Variants in FOXP1 observed in about 807,000 individuals in gnomAD.
The protein encoded by FOXP1 is forkhead box P1.
FOXP1 carries 15 observed loss-of-function variants against 98.2 expected under a neutral mutation model. The observed-to-expected ratio is 0.15, with a 90% CI of 0.10 to 0.24. The LOEUF is 0.24. Ranked by LOEUF, FOXP1 falls within the 10% of genes least tolerant of loss-of-function variation. The probability of loss-of-function intolerance (pLI) is 1.00; values close to 1 mark genes in which losing one functional copy is unlikely to be tolerated. For synonymous variants in FOXP1, 371 were observed against 314.5 expected (o/e 1.18, Z -1.90); for missense variants, 633 against 848.5 (o/e 0.75, Z 3.15).
chr3:70,967,609 T>G (rs2035082695), intron 19 of FOXP1, among the ~76,000 whole-genome samples: 2 of 151,600 alleles, frequency 1.3e-5, no homozygotes, highest in Admixed American at 1.3e-4. Flanking sequence ...AGCTCTTTTA[T>G]AATTGCGATA....
intron 5 of FOXP1, among the ~76,000 whole-genome samples, chr3:71,209,956 A>AT (rs1385958398): frequency 6.6e-6 from 1 of 152,228 alleles, no homozygotes; most frequent in Non-Finnish European, 1.5e-5. Context: ...CAGTTAGCTA[A>AT]TTTTTTTAAA....
chr3:71,581,849 G>A (rs1378365569), intron 1 of FOXP1, 152 bp from the exon 2 acceptor site: 2 of 986,154 alleles, frequency 2.0e-6, no homozygotes, highest in Non-Finnish European at 2.4e-6. Context: ...GTGGAGGGAA[G>A]AGAGGATGCG....
chr3:71,420,918 T>C (rs1359099710), intron 3 of FOXP1, among the ~76,000 whole-genome samples: 1 of 152,166 alleles, frequency 6.6e-6, no homozygotes, highest in South Asian at 2.1e-4. Flanking sequence ...CAGGCTACCA[T>C]GTGAGTTCTA....
Position 71,482,568 on chromosome 3 carries a change from T to A in FOXP1, c.-168+10858A>T, listed in dbSNP as rs527295703. 3.3e-5 allele frequency among the ~76,000 whole-genome samples: 5 copies of A among 151,682 alleles called. No homozygotes were observed. In the East Asian group the frequency reaches 9.8e-4, roughly 30 times the overall value. ...GCTGTGCGCCACCATGCCCAGCTGA[T>A]TTTTTATTTTTAGTAGAGACGGGGT... On this transcript the variant is annotated intron_variant, in intron 3 of 20. Transcript: ENST00000649528.
intron 2 of FOXP1, among the ~76,000 whole-genome samples, chr3:71,510,655 C>T (rs2042139200): frequency 6.6e-6 from 1 of 152,188 alleles, no homozygotes; most frequent in Admixed American, 6.5e-5. Context: ...GCCACCAGAC[C>T]TGCAGAGGGG....
chr3:71,481,629 C>G (rs942054936), intron 3 of FOXP1, among the ~76,000 whole-genome samples: 5 of 152,148 alleles, frequency 3.3e-5, no homozygotes, highest in Non-Finnish European at 5.9e-5. Flanking sequence ...TCCCCAACCC[C>G]AAAAACAATA....
intron 7 of FOXP1, among the ~76,000 whole-genome samples, chr3:71,088,585 C>T (rs1336719307): frequency 6.6e-6 from 1 of 152,084 alleles, no homozygotes; most frequent in Admixed American, 6.5e-5. Context: ...CGTAAAGGAT[C>T]TCATTATTTT....
At chr3:71,544,548 C>G (rs576288336) in intron 2 of FOXP1, among the ~76,000 whole-genome samples, 40 of 152,256 alleles carry the variant, frequency 2.6e-4, no homozygotes, top group African/African-American at 9.4e-4. Context: ...CATACGTTTC[C>G]AAAATCCAAA....
chr3:71,104,930 G>C (rs565051420), intron 7 of FOXP1, among the ~76,000 whole-genome samples: 1 of 152,206 alleles, frequency 6.6e-6, no homozygotes, highest in Admixed American at 6.5e-5. Flanking sequence ...CTCTACTTTG[G>C]CTCAGAGGCA....
At chr3:71,355,260 A>G (rs911018963) in intron 4 of FOXP1, among the ~76,000 whole-genome samples, 1 of 152,250 alleles carries the variant, frequency 6.6e-6, no homozygotes, top group African/African-American at 2.4e-5. Flanking sequence ...GACTGCATGC[A>G]TACCTACCAT....
At chr3:71,274,061 A>G (rs6792787) in intron 5 of FOXP1, among the ~76,000 whole-genome samples, 1,567 of 152,288 alleles carry the variant, frequency 0.01, 32 homozygotes, top group African/African-American at 0.035. Context: ...TTTCCCAAGT[A>G]GAAATGAAGG....
At chr3:71,188,994 A>G (rs901957721) in intron 6 of FOXP1, among the ~76,000 whole-genome samples, 4 of 152,190 alleles carry the variant, frequency 2.6e-5, no homozygotes, top group Admixed American at 2.0e-4. Flanking sequence ...CAAAATGTCC[A>G]CATGGAAGGA....
rs1005645976 is a variant in FOXP1, at chr3:71,260,763, C to T, written c.-12+39057G>A. Among the ~76,000 whole-genome samples, 46 of 151,936 alleles carry T rather than the reference C, an allele frequency of 3.0e-4. 1 individual carries two copies. Among genetic ancestry groups the T allele is most frequent in the African/African-American group, 1.2e-4 (5 of 41,422 alleles). ...TCACTATGCTGGGCCAGGCTGGTCT[C>T]GAACTCCTGACCTTGTGATCCGCCC... On this transcript the variant is annotated intron_variant, in intron 5 of 20. Transcript: ENST00000649528.
At chr3:71,223,693 CAAAAAAAAAA>C (rs34686001) in intron 5 of FOXP1, among the ~76,000 whole-genome samples, 1 of 90,122 alleles carries the variant, frequency 1.1e-5, no homozygotes, top group Non-Finnish European at 2.6e-5. Context: ...GACTACGTCT[CAAAAAAAAAA>C]AAAAAAAAAG....
intron 5 of FOXP1, among the ~76,000 whole-genome samples, chr3:71,297,335 T>C (rs945738512): frequency 5.9e-5 from 9 of 152,154 alleles, no homozygotes; most frequent in Non-Finnish European, 1.2e-4. Context: ...TTTCCAATTT[T>C]TCCCTTGACC....
chr3:71,531,401 T>C (rs1397700969), intron 2 of FOXP1, among the ~76,000 whole-genome samples: 2 of 152,210 alleles, frequency 1.3e-5, no homozygotes, highest in Non-Finnish European at 2.9e-5. Context: ...ACTGCTATTC[T>C]ACGGGAAGAA....
intron 5 of FOXP1, among the ~76,000 whole-genome samples, chr3:71,284,678 C>T (rs988494969): frequency 4.0e-5 from 6 of 151,666 alleles, no homozygotes; most frequent in African/African-American, 1.5e-4. Flanking sequence ...TTATTGTATC[C>T]GAAAGGATGA....
chr3:71,397,360 C>G (rs1448065224), intron 3 of FOXP1, among the ~76,000 whole-genome samples: 8 of 151,990 alleles, frequency 5.3e-5, no homozygotes, highest in Admixed American at 5.2e-4. Context: ...TGTGGATGAG[C>G]ATTTATAATC....
At chr3:71,197,315 CA>C (rs1229102920) in intron 6 of FOXP1, among the ~76,000 whole-genome samples, 2 of 152,100 alleles carry the variant, frequency 1.3e-5, no homozygotes, top group African/African-American at 4.8e-5. Flanking sequence ...TTATTATTAA[CA>C]AAGCCTAATA....
Sources: allele counts gnomAD v4.1 joint callset (sites outside exome capture counted in the v4.1 genomes callset), GRCh38; gene constraint gnomAD v4.1.1; transcripts MANE v1.5; gene names NCBI Gene and HGNC (gene_info 2026-07-23, HGNC 2026-07-21).